NCOR2: variants seen among roughly 807,000 people sequenced by gnomAD.
NCOR2 encodes the protein nuclear receptor corepressor 2, also known as CTG repeat protein 26.
Under a neutral mutation model 262.9 loss-of-function variants are expected in NCOR2, and 81 were observed. The observed-to-expected ratio is 0.31, with a 90% CI of 0.26 to 0.37. The LOEUF is 0.37. Among genes scored for constraint, NCOR2 ranks in the 10% least tolerant of loss-of-function variants. The probability of loss-of-function intolerance (pLI) is 1.00; values close to 1 mark genes in which losing one functional copy is unlikely to be tolerated. For missense variants in NCOR2, 3,385 were observed against 3,621.4 expected (o/e 0.93, Z 1.68); for synonymous variants, 1,659 against 1,559.3 (o/e 1.06, Z -1.51).
chr12:124,435,302 GT>G (rs1320412065), intron 8 of NCOR2, among the ~76,000 whole-genome samples: 1 of 152,206 alleles, frequency 6.6e-6, no homozygotes, highest in Non-Finnish European at 1.5e-5. Context: ...CCCTGTGTGG[GT>G]ATCTCTTAAC....
intron 1 of NCOR2, among the ~76,000 whole-genome samples, chr12:124,487,563 C>T (rs1002549701): frequency 6.6e-6 from 1 of 152,206 alleles, no homozygotes; most frequent in Non-Finnish European, 1.5e-5. Context: ...TCTAGAGGAA[C>T]CCCCCACCCT....
At chr12:124,344,526 T>A (rs553019883) in intron 32 of NCOR2, 71 bp downstream of exon 34, 1 of 1,326,082 alleles carries the variant, frequency 7.5e-7, no homozygotes, top group African/African-American at 1.5e-5. Context: ...ACTAAGCTAA[T>A]GGTGGATGGG....
At chr12:124,478,108 C>T (rs895938940) in intron 3 of NCOR2, among the ~76,000 whole-genome samples, 7 of 152,188 alleles carry the variant, frequency 4.6e-5, no homozygotes, top group African/African-American at 1.7e-4. Flanking sequence ...GAAGAGTTCT[C>T]TCTTTTTGCT....
chr12:124,523,574 G>C lies in NCOR2; in HGVS notation c.-118+11991C>G, dbSNP rs1379963663. 6.6e-6 allele frequency among the ~76,000 whole-genome samples: 1 copy of C among 150,456 alleles called. No individual in the cohort carries two copies. The highest frequency in any genetic ancestry group is 2.5e-5 in the African/African-American group (1 of 40,780). ...GTGTCCAGTCTTTTGGCTTCACTGG[G>C]CCACACTAAAAGAACTGTCTCGGAT... On this transcript the variant is annotated intron_variant, in intron 1 of 46. Coordinates refer to the NCOR2 transcript ENST00000404621. The surrounding 1 kb of genome is among the most constrained non-coding windows in gnomAD (Gnocchi z 4.0).
intron 5 of NCOR2, among the ~76,000 whole-genome samples, chr12:124,463,718 A>G (rs2046291385): frequency 6.6e-6 from 1 of 152,202 alleles, no homozygotes; most frequent in South Asian, 2.1e-4. Context: ...CTGATCCCCC[A>G]AGGGGCGGTA....
rs114124574 is a variant in NCOR2, at chr12:124,365,303, A to T, written c.2808-1504T>A. 7.9e-3 allele frequency among the ~76,000 whole-genome samples: 1,199 copies of T among 152,318 alleles called. 18 individuals are homozygous for T. Among genetic ancestry groups the T allele is most frequent in the African/African-American group, 0.028 (1,144 of 41,556 alleles). ...GCTGTGACCACAGTGACGACGTCCT[A>T]TGCAGACTATAAGTCACAGCCTACT... On this transcript the variant is annotated intron_variant, in intron 20 of 46. Transcript: ENST00000405201.
chr12:124,422,391 G>T, intron 12 of NCOR2, 110 bp downstream of exon 14: 1 of 1,303,534 alleles, frequency 7.7e-7, no homozygotes, highest in South Asian at 1.2e-5. Context: ...GGAGCAAGGG[G>T]CCAGGCAGGC....
At chr12:124,366,317 G>A (rs571334389) in intron 20 of NCOR2, among the ~76,000 whole-genome samples, 10 of 152,304 alleles carry the variant, frequency 6.6e-5, no homozygotes, top group African/African-American at 7.2e-5. Context: ...GACACGATGC[G>A]CGTGAAACAA....
intron 37 of NCOR2, among the ~76,000 whole-genome samples, chr12:124,339,420 C>G (rs980908334): frequency 6.8e-6 from 1 of 147,324 alleles, no homozygotes; most frequent in African/African-American, 2.5e-5. Flanking sequence ...CCCACCCACA[C>G]AGCTAACTTG....
At chr12:124,546,231 CAG>C (rs2051539292) in intron 1 of NCOR2, among the ~76,000 whole-genome samples, 3 of 152,214 alleles carry the variant, frequency 2.0e-5, no homozygotes, top group Admixed American at 2.0e-4. Context: ...AGGGCTGACT[CAG>C]AGGCTCAGTG....
Position 124,365,859 on chromosome 12 carries a change from A to G in NCOR2, c.2808-2060T>C, listed in dbSNP as rs113282672. On this transcript the variant is annotated intron_variant, in intron 20 of 46. Transcript: ENST00000405201. ...TCCCCGCCATCCTCAAGGTACAGACAAGGTACCCTGACCCAGGTCCAAACA... is the reference window on the plus strand; with the variant it reads ...TCCCCGCCATCCTCAAGGTACAGACGAGGTACCCTGACCCAGGTCCAAACA... Among the ~76,000 whole-genome samples the G allele has an allele frequency of 6.9e-3, 1,051 of 152,134 alleles. 14 individuals carry two copies. Among genetic ancestry groups the G allele is most frequent in the African/African-American group, 0.021 (871 of 41,508 alleles).
chr12:124,512,131 T>C (rs944066158), intron 1 of NCOR2, among the ~76,000 whole-genome samples: 1 of 152,288 alleles, frequency 6.6e-6, no homozygotes, highest in East Asian at 1.9e-4. Flanking sequence ...AGGCTGATCT[T>C]GAAATCCTGG....
At position 124,348,694 on chromosome 12, in the gene NCOR2, G is replaced by A. The variant is rs1388756565; in HGVS notation, c.3845-380C>T. On this transcript the variant is annotated intron_variant, in intron 28 of 46. Transcript: ENST00000405201. The stretch of plus-strand genomic sequence containing the variant: ...AACAAGTGCACACACATGCACGTGA[G>A]CAAGGACGCATCAGCAGTGTGTGGA... 2.1e-5 allele frequency: 6 copies of A among 283,130 alleles called. No individual in the cohort carries two copies. The South Asian group carries it at 3.0e-4, about 14-fold the overall frequency. The allele number at this position is 283,130 out of a possible 1,614,324, so 17.5% of individuals were successfully genotyped here.
intron 3 of NCOR2, among the ~76,000 whole-genome samples, chr12:124,477,264 G>A (rs2047153676): frequency 6.6e-6 from 1 of 152,184 alleles, no homozygotes; most frequent in South Asian, 2.1e-4. Context: ...GTTCTCATGA[G>A]ATCTGATGGT....
At chr12:124,511,223 G>A (rs1353511342) in intron 1 of NCOR2, among the ~76,000 whole-genome samples, 1 of 152,224 alleles carries the variant, frequency 6.6e-6, no homozygotes, top group African/African-American at 2.4e-5. Context: ...AGGCAGCCGA[G>A]TGTCCCAAAT....
chr12:124,372,483 T>C, exon 20 of NCOR2: 4 of 1,167,292 alleles, frequency 3.4e-6, no homozygotes, highest in Admixed American at 2.4e-5. Flanking sequence ...GTGGGGTGGG[T>C]GGCCCTGGGG....
At chr12:124,410,617 T>A (rs1247127772) in intron 13 of NCOR2, among the ~76,000 whole-genome samples, 1 of 151,886 alleles carries the variant, frequency 6.6e-6, no homozygotes, top group East Asian at 2.0e-4. Context: ...GGCAGCAGGT[T>A]TGAAACAAGA....
At position 124,355,582 on chromosome 12, in the gene NCOR2, C is replaced by T; in HGVS notation, c.3242-11G>A. On this transcript the variant is annotated splice_polypyrimidine_tract_variant and intron_variant, in intron 23 of 46. Transcript: ENST00000405201. Reference sequence around the variant, plus strand: ...GGGGCAGTGGGTGACCTGTGGAGCACATGTCTGTCCATTGTGGGGCCCAGG... The same window carrying T: ...GGGGCAGTGGGTGACCTGTGGAGCATATGTCTGTCCATTGTGGGGCCCAGG... 1 of 1,546,930 alleles carries T rather than the reference C, an allele frequency of 6.5e-7. No individual in the cohort carries two copies. Among genetic ancestry groups the T allele is most frequent in the East Asian group, 2.3e-5 (1 of 44,170 alleles).
At chr12:124,441,557 A>T (rs913045288) in intron 7 of NCOR2, among the ~76,000 whole-genome samples, 2 of 152,254 alleles carry the variant, frequency 1.3e-5, no homozygotes, top group Non-Finnish European at 2.9e-5. Context: ...CGCTGGCAAG[A>T]TCCGGGGATG....
Sources: gnomAD v4.1 joint callset for allele counts (sites outside exome capture counted in the v4.1 genomes callset) on GRCh38, gnomAD v4.1.1 for gene constraint, Gnocchi (gnomAD v3.1) non-coding constraint, MANE v1.5 for transcripts, NCBI Gene and HGNC (gene_info 2026-07-23, HGNC 2026-07-21) for gene names.